CSMD1: variants seen among roughly 807,000 people sequenced by gnomAD.
CSMD1 encodes the protein CUB and sushi domain-containing protein 1.
CSMD1 carries 213 observed loss-of-function variants against 417.5 expected under a neutral mutation model. That is an observed-to-expected ratio of 0.51 (90% CI 0.46 to 0.57). The LOEUF (loss-of-function observed/expected upper bound fraction) is 0.57, where lower values mean the gene tolerates loss of function less well. Ranked by LOEUF, CSMD1 falls within the 20% of genes least tolerant of loss-of-function variation. The probability of loss-of-function intolerance (pLI) is 0.00; values close to 1 mark genes in which losing one functional copy is unlikely to be tolerated. For synonymous variants in CSMD1, 2,862 were observed against 1,736.8 expected, an observed-to-expected ratio of 1.65 and a Z score of -16.11; for missense variants, 6,923 against 4,529.7, an observed-to-expected ratio of 1.53 and a Z score of -15.17.
intron 33 of CSMD1, among the ~76,000 whole-genome samples, chr8:3,197,250 C>A (rs1796751961): frequency 6.6e-6 from 1 of 151,878 alleles, no homozygotes; most frequent in Non-Finnish European, 1.5e-5. Context: ...CGTTTTTTTG[C>A]ACACTGATGC....
At chr8:3,982,821 C>T (rs1425983893) in intron 5 of CSMD1, among the ~76,000 whole-genome samples, 2 of 152,150 alleles carry the variant, frequency 1.3e-5, no homozygotes, top group East Asian at 3.9e-4. Flanking sequence ...GAGGGGAGCA[C>T]GATGGTCACT....
At chr8:3,924,192 A>C (rs2627398) in intron 5 of CSMD1, among the ~76,000 whole-genome samples, 4,450 of 152,246 alleles carry the variant, frequency 0.029, 217 homozygotes, top group African/African-American at 0.1. Flanking sequence ...CTTTACTTTC[A>C]TAACTTTGGA....
chr8:3,753,852 T>C, intron 6 of CSMD1, 78 bp downstream of exon 6: 1 of 1,009,822 alleles, frequency 9.9e-7, no homozygotes, highest in Non-Finnish European at 1.5e-6. Flanking sequence ...ATCCAACTCC[T>C]AAAATTTCAT....
intron 12 of CSMD1, among the ~76,000 whole-genome samples, chr8:3,462,128 C>T (rs968593262): frequency 2.6e-5 from 4 of 152,066 alleles, no homozygotes; most frequent in South Asian, 2.1e-4. Flanking sequence ...CCAGGCCCCC[C>T]CCCCCACCTC....
chr8:4,639,610 G>T, intron 1 of CSMD1, among the ~76,000 whole-genome samples: 1 of 152,178 alleles, frequency 6.6e-6, no homozygotes, highest in East Asian at 1.9e-4. Context: ...AAGTTTTGAA[G>T]GGACCTGGGT....
intron 1 of CSMD1, among the ~76,000 whole-genome samples, chr8:4,705,294 G>T (rs1807855743): frequency 1.3e-5 from 2 of 151,996 alleles, no homozygotes; most frequent in Non-Finnish European, 1.5e-5. Flanking sequence ...AATACAATGG[G>T]TATTAAAAAT....
At chr8:3,901,498 C>T (rs929199875) in intron 5 of CSMD1, among the ~76,000 whole-genome samples, 1 of 152,212 alleles carries the variant, frequency 6.6e-6, no homozygotes, top group Non-Finnish European at 1.5e-5. Context: ...ATTGTCAGTT[C>T]TGAACCAAGG....
At chr8:2,943,451 C>T (rs1222090624) in intron 68 of CSMD1, among the ~76,000 whole-genome samples, 1 of 152,162 alleles carries the variant, frequency 6.6e-6, no homozygotes, top group East Asian at 1.9e-4. Flanking sequence ...TAGTCTTGAA[C>T]TCCTGACTTC....
chr8:4,353,646 A>T (rs1801226248), intron 3 of CSMD1, among the ~76,000 whole-genome samples: 1 of 152,230 alleles, frequency 6.6e-6, no homozygotes, highest in African/African-American at 2.4e-5. Context: ...GACAGGCTAA[A>T]CCTTCTCAAT....
chr8:4,190,056 A>G (rs530086761), intron 3 of CSMD1, among the ~76,000 whole-genome samples: 11 of 152,002 alleles, frequency 7.2e-5, no homozygotes, highest in African/African-American at 2.7e-4. Flanking sequence ...CAGGAGATCG[A>G]GACCATCCTG....
chr8:3,372,049 G>C (rs1809988630), intron 18 of CSMD1, among the ~76,000 whole-genome samples: 1 of 152,176 alleles, frequency 6.6e-6, no homozygotes, highest in Admixed American at 6.5e-5. Flanking sequence ...GATAAAACCT[G>C]TAACAACATA....
At chr8:4,803,111 A>T (rs1049377346) in intron 1 of CSMD1, among the ~76,000 whole-genome samples, 5 of 152,182 alleles carry the variant, frequency 3.3e-5, no homozygotes, top group Admixed American at 1.3e-4. Context: ...TATTTAAAAG[A>T]TCATGTATAT....
intron 7 of CSMD1, among the ~76,000 whole-genome samples, chr8:3,627,076 T>C (rs901684781): frequency 6.6e-6 from 1 of 152,146 alleles, no homozygotes; most frequent in Non-Finnish European, 1.5e-5. Flanking sequence ...GGTTGAGAAT[T>C]GCTGTGATAG....
At chr8:4,634,169 A>T (rs1351843421) in intron 2 of CSMD1, among the ~76,000 whole-genome samples, 1 of 152,102 alleles carries the variant, frequency 6.6e-6, no homozygotes, top group Non-Finnish European at 1.5e-5. Context: ...TGCCCAAATC[A>T]TATATGTATT....
At chr8:4,091,444 C>T (rs1165238768) in intron 3 of CSMD1, among the ~76,000 whole-genome samples, 1 of 152,066 alleles carries the variant, frequency 6.6e-6, no homozygotes, top group African/African-American at 2.4e-5. Flanking sequence ...TGCACTTTTG[C>T]TCCACGTCAG....
chr8:3,891,012 C>G (rs1189043158), intron 5 of CSMD1, among the ~76,000 whole-genome samples: 1 of 151,732 alleles, frequency 6.6e-6, no homozygotes, highest in Non-Finnish European at 1.5e-5. Flanking sequence ...AAAATGAAGG[C>G]CGTGAAATAA....
At chr8:3,822,186 G>A (rs961093944) in intron 5 of CSMD1, among the ~76,000 whole-genome samples, 2 of 152,110 alleles carry the variant, frequency 1.3e-5, no homozygotes, top group Non-Finnish European at 1.5e-5. Context: ...TTTAAGCACT[G>A]CTAGTCACTT....
chr8:4,311,451 C>A (rs115200075), intron 3 of CSMD1, among the ~76,000 whole-genome samples: 8 of 152,182 alleles, frequency 5.3e-5, no homozygotes, highest in African/African-American at 1.9e-4. Context: ...GTCTGGACAT[C>A]GTGGCTCACA....
chr8:4,991,485 G>A (rs1447280777), intron 1 of CSMD1, among the ~76,000 whole-genome samples: 2 of 152,172 alleles, frequency 1.3e-5, no homozygotes, highest in Admixed American at 1.3e-4. Context: ...AACAGGTCAC[G>A]AATTATGCCC....
Sources: allele counts gnomAD v4.1 joint callset (sites outside exome capture counted in the v4.1 genomes callset), GRCh38; gene constraint gnomAD v4.1.1; transcripts MANE v1.5; gene names NCBI Gene and HGNC (gene_info 2026-07-23, HGNC 2026-07-21).